PANK1: variants seen among roughly 807,000 people sequenced by gnomAD.
PANK1 encodes pantothenate kinase 1.
PANK1 carries 18 observed loss-of-function variants against 40.1 expected under a neutral mutation model. That is an observed-to-expected ratio of 0.45 (90% CI 0.31 to 0.67). The LOEUF (loss-of-function observed/expected upper bound fraction) is 0.67, where lower values mean the gene tolerates loss of function less well. PANK1 is among the 30% of genes least tolerant of loss of function. PANK1 has a pLI of 0.06. For synonymous variants in PANK1, 242 were observed against 237.7 expected (o/e 1.02, Z -0.17); for missense variants, 457 against 599.6 (o/e 0.76, Z 2.48).
In PANK1 at chr10:89,621,030, G is replaced by A. The variant is rs143644963; in HGVS notation, c.293-8982C>T. Among the ~76,000 whole-genome samples, 155 of 152,272 alleles carry A rather than the reference G, an allele frequency of 1.0e-3. 2 individuals carry two copies. Among genetic ancestry groups the A allele is most frequent in the African/African-American group, 2.8e-3 (118 of 41,556 alleles). ...AAAATTCCTTGTTAAGGCCGGGTGCGGTGGTTCACGCCTGTAATCCCAGCA... is the reference window on the plus strand; with the variant it reads ...AAAATTCCTTGTTAAGGCCGGGTGCAGTGGTTCACGCCTGTAATCCCAGCA... On this transcript the variant is annotated intron_variant, in intron 1 of 6. Transcript: ENST00000307534.
chr10:89,626,304 T>A (rs1045667192), intron 1 of PANK1: 3 of 59,338 alleles, frequency 5.1e-5, no homozygotes, highest in South Asian at 4.6e-4. Context: ...GTCCTCAGCA[T>A]TTTTTTTTTT....
Position 89,583,632 on chromosome 10 carries a change from C to T in PANK1, c.*774G>A, listed in dbSNP as rs943048630. 7.9e-5 allele frequency: 12 copies of T among 152,234 alleles called. No homozygotes were observed. The highest frequency in any genetic ancestry group is 3.9e-4 in the East Asian group (2 of 5,192). The allele number at this position is 152,234 out of a possible 1,614,324, so 9.4% of individuals were successfully genotyped here. A position where few individuals can be genotyped will look rare whatever the true frequency, so the allele number is the denominator to read the frequency against. On this transcript the variant is annotated 3_prime_UTR_variant, in exon 7 of 7. Coordinates refer to ENST00000307534, the MANE Select transcript of PANK1 (RefSeq NM_148977.3). ...TCCAATGAAACACTACATTTATAAGCGATAGGACAAACTTGCATATAATTT... is the reference window on the plus strand; with the variant it reads ...TCCAATGAAACACTACATTTATAAGTGATAGGACAAACTTGCATATAATTT...
intron 2 of PANK1, among the ~76,000 whole-genome samples, chr10:89,600,934 A>C (rs1844760841): frequency 6.6e-6 from 1 of 152,240 alleles, no homozygotes. Context: ...CCCTTGTACC[A>C]GATTATTTAA....
chr10:89,634,378 C>A (rs1204279733), intron 1 of PANK1, among the ~76,000 whole-genome samples: 1 of 152,158 alleles, frequency 6.6e-6, no homozygotes, highest in Non-Finnish European at 1.5e-5. Flanking sequence ...CTGTCCTGAG[C>A]CTCTATCTAA....
intron 1 of PANK1, among the ~76,000 whole-genome samples, chr10:89,641,897 T>G (rs1247617118): frequency 6.6e-6 from 1 of 152,104 alleles, no homozygotes; most frequent in Non-Finnish European, 1.5e-5. Context: ...GTCATAGAAT[T>G]CTGAAGGTAC....
Position 89,596,979 on chromosome 10 carries a change from T to G in PANK1, c.899+2273A>C, listed in dbSNP as rs78305586. On this transcript the variant is annotated intron_variant, in intron 3 of 6. Transcript: ENST00000307534. ...AGGAAAAAAATGTTGCTACCCAATC[T>G]GGGATGCAACAAAATTATATATAAC... Among the ~76,000 whole-genome samples, 175 of 152,340 alleles carry G rather than the reference T, an allele frequency of 1.1e-3. 2 individuals are homozygous for G. The highest frequency in any genetic ancestry group is 4.0e-3 in the African/African-American group (166 of 41,582).
intron 1 of PANK1, among the ~76,000 whole-genome samples, chr10:89,634,483 T>C (rs939206862): frequency 1.3e-5 from 2 of 152,168 alleles, no homozygotes; most frequent in Non-Finnish European, 2.9e-5. Context: ...GAAATATTCA[T>C]CTCATTCATC....
rs143952568 is a variant in PANK1, at chr10:89,609,151, A to C, written c.645+2545T>G. Among the ~76,000 whole-genome samples the C allele has an allele frequency of 1.9e-3, 282 of 152,236 alleles. 4 individuals are homozygous for C. The highest frequency in any genetic ancestry group is 0.014 in the Admixed American group (218 of 15,284). ...ACGATCTCGGCTCACTGTAACCTTG[A>C]TCTCCTGGGTTCAAGAGGTTCTCGT... On this transcript the variant is annotated intron_variant, in intron 2 of 6. Transcript: ENST00000307534.
intron 2 of PANK1, among the ~76,000 whole-genome samples, chr10:89,603,447 C>T (rs1844846306): frequency 6.6e-6 from 1 of 152,124 alleles, no homozygotes; most frequent in Non-Finnish European, 1.5e-5. Flanking sequence ...TCCTAAGACT[C>T]AAACTCTGTA....
rs758636418 is a variant in PANK1, at chr10:89,644,672, G to A, written c.220C>T (p.Pro74Ser). 1 of 1,567,286 alleles carries A rather than the reference G, an allele frequency of 6.4e-7. No individual in the cohort carries two copies. The highest frequency in any genetic ancestry group is 8.6e-7 in the Non-Finnish European group (1 of 1,162,974). Residue 74 changes from proline (P) to serine (S), a missense_variant, in exon 1 of 7, where the codon CCT (proline) becomes TCT (serine). Physicochemically the swap from Pro to Ser is moderately conservative, Grantham distance 74. Transcript: ENST00000307534. ...TTCTTGGCCGGGGAGTCATGCTGAG[G>A]GAGCAGTGGCTGCGGCTGCAGCTCC... ...LPELQPQPLLPQHDSPAKKCR... is the reference protein window; with the variant it reads ...LPELQPQPLLSQHDSPAKKCR...
Position 89,644,835 on chromosome 10 carries a change from G to C in PANK1, c.57C>G (p.Pro19=). The change falls in exon 1 of 7, where the codon CCC becomes CCG. Residue 19 remains proline (P), a synonymous_variant. Transcript: ENST00000307534. ...TCACAGCGGCGGCGCTGGTGCCCAC[G>C]GGGGCCCCTGGAGAGTGCGGGACCG... is the stretch of plus-strand genomic sequence containing the variant. ...ERSVPHSPGA[P]VGTSAAAVNG... The C allele has an allele frequency of 6.9e-7, 1 of 1,458,504 alleles. No individual in the cohort carries two copies. The highest frequency in any genetic ancestry group is 9.0e-7 in the Non-Finnish European group (1 of 1,113,820). 90.3% of individuals were successfully genotyped at this position (1,458,504 alleles called of 1,614,324 possible).
rs972346099 is a variant in PANK1, at chr10:89,644,804, G to C, written c.88C>G (p.Leu30Val). 1 of 1,468,896 alleles carries C rather than the reference G, an allele frequency of 6.8e-7. No homozygotes were observed. The highest frequency in any genetic ancestry group is 8.9e-7 in the Non-Finnish European group (1 of 1,118,816). The allele number at this position is 1,468,896 out of a possible 1,614,324, so 91.0% of individuals were successfully genotyped here. A position where few individuals can be genotyped will look rare whatever the true frequency, so the allele number is the denominator to read the frequency against. Residue 30 changes from leucine to valine, a missense_variant, in exon 1 of 7, where the codon CTG (leucine) becomes GTG (valine). By Grantham distance (32) the Leu-to-Val change is conservative (BLOSUM62 1). Around this residue, in one of 4 missense-constraint regions of PANK1, gnomAD observed 144 missense variants for 131.2 expected, o/e 1.10. Transcript: ENST00000307534. ...GGCGGATGGAAGCCGTTGTGCAGCA[G>C]CCCGTTCACAGCGGCGGCGCTGGTG... ...VGTSAAAVNG[L>V]LHNGFHPPPV... is the part of the protein sequence containing the mutation.
At chr10:89,631,987 TA>T (rs201819245) in intron 1 of PANK1, among the ~76,000 whole-genome samples, 10 of 150,810 alleles carry the variant, frequency 6.6e-5, no homozygotes, top group South Asian at 2.1e-4. Flanking sequence ...TTTTTTTTTT[TA>T]AAAAGGGTTC....
chr10:89,614,207 G>C (rs1489578791), intron 1 of PANK1, among the ~76,000 whole-genome samples: 1 of 152,160 alleles, frequency 6.6e-6, no homozygotes, highest in Non-Finnish European at 1.5e-5. Context: ...GCCTACACTG[G>C]ATAGGATGGG....
At chr10:89,604,420 G>A (rs545458486) in intron 2 of PANK1, among the ~76,000 whole-genome samples, 119 of 152,186 alleles carry the variant, frequency 7.8e-4, no homozygotes, top group Non-Finnish European at 1.4e-3. Context: ...CTGACGGGGC[G>A]GTGGCTTATG....
At chr10:89,608,272 C>T (rs1033264817) in intron 2 of PANK1, among the ~76,000 whole-genome samples, 3 of 151,934 alleles carry the variant, frequency 2.0e-5, no homozygotes, top group Non-Finnish European at 4.4e-5. Flanking sequence ...ACCTCGTGAT[C>T]CACCCACCTC....
At chr10:89,601,850 T>C (rs1404515452) in intron 2 of PANK1, among the ~76,000 whole-genome samples, 3 of 152,230 alleles carry the variant, frequency 2.0e-5, no homozygotes, top group African/African-American at 7.2e-5. Flanking sequence ...TGAAAGACTA[T>C]AGCAGGGCAT....
At chr10:89,626,078 T>C (rs975838097) in intron 1 of PANK1, 2 of 152,154 alleles carry the variant, frequency 1.3e-5, no homozygotes, top group African/African-American at 4.8e-5. Context: ...AGTCAAGCTG[T>C]GTATTTCTGC....
At chr10:89,630,792 T>C (rs1841618687) in intron 1 of PANK1, among the ~76,000 whole-genome samples, 1 of 152,182 alleles carries the variant, frequency 6.6e-6, no homozygotes, top group South Asian at 2.1e-4. Flanking sequence ...GCGCCCGGCC[T>C]CTAATGTGCT....
Sources: gnomAD v4.1 joint callset for allele counts (sites outside exome capture counted in the v4.1 genomes callset) on GRCh38, gnomAD v4.1.1 for gene constraint, gnomAD v4.1.1 regional missense constraint, MANE v1.5 for transcripts, NCBI Gene and HGNC (gene_info 2026-07-23, HGNC 2026-07-21) for gene names.